PCDH9: variants seen among roughly 807,000 people sequenced by gnomAD.
The protein encoded by PCDH9 is protocadherin 9, also known as protocadherin-9.
PCDH9 carries 24 observed loss-of-function variants against 70.6 expected under a neutral mutation model. The ratio of observed to expected loss-of-function variants is 0.34; its 90% confidence interval spans 0.25 to 0.48. The LOEUF is 0.48. Among genes scored for constraint, PCDH9 ranks in the 20% least tolerant of loss-of-function variants. The probability of loss-of-function intolerance (pLI) is 0.99; values close to 1 mark genes in which losing one functional copy is unlikely to be tolerated. For missense variants in PCDH9, 1,281 were observed against 1,503.6 expected (o/e 0.85, Z 2.45); for synonymous variants, 562 against 558.5 (o/e 1.01, Z -0.09).
At chr13:67,215,108 T>C (rs2089571461) in intron 2 of PCDH9, 1 of 151,246 alleles carries the variant, frequency 6.6e-6, no homozygotes, top group South Asian at 2.1e-4. Context: ...ATCAAGTCAG[T>C]TTTTGTTACT....
chr13:66,509,676 C>T lies in PCDH9; in HGVS notation c.3340+121534G>A, dbSNP rs906999323. ...TTATGTTGTTCAGGCTTGTCTCAAA[C>T]TCCTGGGCTCAAGAAATCCTCCTAG... On this transcript the variant is annotated intron_variant, in intron 4 of 4. Transcript: ENST00000377865. Among the ~76,000 whole-genome samples, 9 of 152,102 alleles carry T rather than the reference C, an allele frequency of 5.9e-5. 1 individual carries two copies. Among genetic ancestry groups the T allele is most frequent in the Admixed American group, 1.3e-4 (2 of 15,266 alleles).
In PCDH9 at chr13:66,808,021, A is replaced by AG. The variant is rs766620010; in HGVS notation, c.3138+95482dup. Among the ~76,000 whole-genome samples the AG allele has an allele frequency of 3.9e-5, 6 of 152,186 alleles. No individual in the cohort carries two copies. In the East Asian group the frequency reaches 1.2e-3, roughly 29 times the overall value. ...AGTCATTGCTCTAACAAACCAGACC[A>AG]GGGGACAGGTCATCTGTGCTTAGGA... On this transcript the variant is annotated intron_variant, in intron 3 of 4. Coordinates refer to ENST00000377865, the MANE Select transcript of PCDH9 (RefSeq NM_203487.3).
chr13:66,869,176 G>A (rs75380617), intron 3 of PCDH9, among the ~76,000 whole-genome samples: 5,144 of 152,110 alleles, frequency 0.034, 286 homozygotes, highest in African/African-American at 0.11. Flanking sequence ...CTGGCCCCTC[G>A]CTAAAGATGG....
chr13:66,739,630 T>A (rs912905262), intron 3 of PCDH9, among the ~76,000 whole-genome samples: 24 of 151,062 alleles, frequency 1.6e-4, no homozygotes, highest in African/African-American at 5.8e-4. Flanking sequence ...AGGCTCAAAA[T>A]AAAAGGATGG....
intron 2 of PCDH9, among the ~76,000 whole-genome samples, chr13:66,945,530 T>C (rs1399213976): frequency 6.6e-6 from 1 of 152,206 alleles, no homozygotes; most frequent in Non-Finnish European, 1.5e-5. Context: ...TTTTATTTTA[T>C]CTACGTGTAT....
intron 2 of PCDH9, among the ~76,000 whole-genome samples, chr13:66,954,013 G>A (rs2083227233): frequency 6.6e-6 from 1 of 152,158 alleles, no homozygotes; most frequent in Non-Finnish European, 1.5e-5. Flanking sequence ...CTTCACACTA[G>A]GTAGCTAAAT....
intron 2 of PCDH9, among the ~76,000 whole-genome samples, chr13:66,968,192 A>T (rs773574520): frequency 6.6e-6 from 1 of 152,062 alleles, no homozygotes. Context: ...TGACTATAAC[A>T]CTTTCCCAAC....
At chr13:66,896,840 A>G (rs1324250555) in intron 3 of PCDH9, among the ~76,000 whole-genome samples, 2 of 152,184 alleles carry the variant, frequency 1.3e-5, no homozygotes, top group Non-Finnish European at 2.9e-5. Flanking sequence ...TTTCCTTAAA[A>G]TTTGGATGTC....
rs114083989 is a variant in PCDH9, at chr13:67,075,794, T to A, written c.3036+149611A>T. On this transcript the variant is annotated intron_variant, in intron 2 of 4. Transcript: ENST00000377865. The stretch of plus-strand genomic sequence containing the variant: ...GTTCAAATGTGGTTTATTCAATAAT[T>A]AAGAAAATAACAAATAAATGACAAT... 7.6e-3 allele frequency among the ~76,000 whole-genome samples: 1,150 copies of A among 152,152 alleles called. 17 individuals are homozygous for A. Among genetic ancestry groups the A allele is most frequent in the African/African-American group, 0.026 (1,069 of 41,538 alleles).
chr13:66,771,721 C>A (rs1484799087), intron 3 of PCDH9, among the ~76,000 whole-genome samples: 4 of 152,156 alleles, frequency 2.6e-5, no homozygotes, highest in Non-Finnish European at 5.9e-5. Context: ...TTAACTTTTG[C>A]TACCTATATA....
intron 3 of PCDH9, among the ~76,000 whole-genome samples, chr13:66,888,891 C>T (rs2082050969): frequency 6.6e-6 from 1 of 152,102 alleles, no homozygotes; most frequent in Non-Finnish European, 1.5e-5. Context: ...GATTTTCCTA[C>T]AATAATTTTC....
At chr13:66,744,323 C>T (rs780794903) in intron 3 of PCDH9, among the ~76,000 whole-genome samples, 5 of 152,096 alleles carry the variant, frequency 3.3e-5, no homozygotes, top group Non-Finnish European at 7.4e-5. Context: ...AAAGAATAAA[C>T]CATCTCTATA....
At chr13:66,857,341 T>C (rs189786185) in intron 3 of PCDH9, among the ~76,000 whole-genome samples, 19 of 152,262 alleles carry the variant, frequency 1.2e-4, no homozygotes, top group East Asian at 3.9e-4. Context: ...ATTGGTACAT[T>C]TGGTTTACTG....
In PCDH9 at chr13:66,789,571, A is replaced by G. The variant is rs549745982; in HGVS notation, c.3138+113933T>C. On this transcript the variant is annotated intron_variant, in intron 3 of 4. Transcript: ENST00000377865. ...ATCTAGCTTTTATTTAAGAGCAACC[A>G]AAACTACTTTAAGTCTCTAAAATAG... is the stretch of plus-strand genomic sequence containing the variant. Among the ~76,000 whole-genome samples, 11 of 152,204 alleles carry G rather than the reference A, an allele frequency of 7.2e-5. No individual in the cohort carries two copies. The East Asian group carries it at 1.2e-3, about 16-fold the overall frequency.
At chr13:66,816,990 G>GA (rs1455999406) in intron 3 of PCDH9, among the ~76,000 whole-genome samples, 1 of 135,610 alleles carries the variant, frequency 7.4e-6, no homozygotes, top group African/African-American at 2.7e-5. Context: ...ACTGTAGATT[G>GA]AAAATATTTA....
Position 67,026,861 on chromosome 13 carries a change from C to T in PCDH9, c.3037-123256G>A, listed in dbSNP as rs547865573. ...ACCTAGGAATCCAACTTACAAGGGA[C>T]GTGAAGGACCTCTTCAAGGAGAACT... On this transcript the variant is annotated intron_variant, in intron 2 of 4. Transcript: ENST00000377865. Among the ~76,000 whole-genome samples, 75 of 151,902 alleles carry T rather than the reference C, an allele frequency of 4.9e-4. 1 individual carries two copies. The highest frequency in any genetic ancestry group is 1.2e-3 in the African/African-American group (51 of 41,422).
chr13:66,789,512 A>T lies in PCDH9; in HGVS notation c.3138+113992T>A, dbSNP rs77781395. Among the ~76,000 whole-genome samples, 1,320 of 151,250 alleles carry T rather than the reference A, an allele frequency of 8.7e-3. 47 individuals are homozygous for T. The East Asian group carries it at 0.11, about 13-fold the overall frequency. On this transcript the variant is annotated intron_variant, in intron 3 of 4. Coordinates refer to ENST00000377865, the MANE Select transcript of PCDH9 (RefSeq NM_203487.3). ...ATCCACAGTGGGTTTATTTTTTTTT[A>T]TTTTTTTTCCAGCTAGGAACATTTT...
At chr13:66,723,401 A>G (rs2139157891) in intron 3 of PCDH9, among the ~76,000 whole-genome samples, 1 of 152,350 alleles carries the variant, frequency 6.6e-6, no homozygotes, top group East Asian at 1.9e-4. Flanking sequence ...AATTTTCAAC[A>G]GGGCATAGCA....
At chr13:66,737,823 C>T (rs867329066) in intron 3 of PCDH9, among the ~76,000 whole-genome samples, 119 of 152,326 alleles carry the variant, frequency 7.8e-4, no homozygotes, top group African/African-American at 2.7e-3. Context: ...GACTATATCC[C>T]ACACCTGGCT....
Sources: gnomAD v4.1 joint callset for allele counts (sites outside exome capture counted in the v4.1 genomes callset) on GRCh38, gnomAD v4.1.1 for gene constraint, MANE v1.5 for transcripts, NCBI Gene and HGNC (gene_info 2026-07-23, HGNC 2026-07-21) for gene names.